Variants in MCCC1 observed in about 807,000 individuals in gnomAD.
MCCC1 encodes methylcrotonyl-CoA carboxylase subunit 1, also known as methylcrotonoyl-CoA carboxylase subunit alpha, mitochondrial.
In MCCC1, 64 loss-of-function variants were observed where a neutral mutation model predicts 83.8. The observed-to-expected ratio is 0.76, with a 90% CI of 0.62 to 0.94. The LOEUF is 0.94. MCCC1 is among the 40% of genes least tolerant of loss of function. The pLI is 0.00. For synonymous variants in MCCC1, 322 were observed against 315.4 expected (o/e 1.02, Z -0.22); for missense variants, 807 against 904.7 (o/e 0.89, Z 1.39).
In MCCC1 at chr3:183,044,497, G is replaced by A. The variant is rs142283341; in HGVS notation, c.1083+916C>T. 9.1e-3 allele frequency among the ~76,000 whole-genome samples: 1,389 copies of A among 152,194 alleles called. 74 individuals are homozygous for A. The highest frequency in any genetic ancestry group is 0.067 in the Admixed American group (1,030 of 15,280). On this transcript the variant is annotated intron_variant, in intron 10 of 18. Coordinates refer to ENST00000265594, the MANE Select transcript of MCCC1 (RefSeq NM_020166.5). ...TGAATGAACATTTACTCATGGGCCC[G>A]CAACAGCCATAAATCCGCACTTTAC...
chr3:183,070,552 G>C (rs1241069117), intron 7 of MCCC1, among the ~76,000 whole-genome samples: 1 of 152,084 alleles, frequency 6.6e-6, no homozygotes, highest in Non-Finnish European at 1.5e-5. Flanking sequence ...GACCAACATG[G>C]GAAAACCCCA....
intron 10 of MCCC1, among the ~76,000 whole-genome samples, chr3:183,042,622 A>C (rs991751413): frequency 6.6e-6 from 1 of 150,756 alleles, no homozygotes; most frequent in African/African-American, 2.4e-5. Context: ...ATCAGGATGC[A>C]CAGCAGTTAA....
chr3:183,038,083 T>C (rs1713773188), intron 12 of MCCC1, among the ~76,000 whole-genome samples: 1 of 152,204 alleles, frequency 6.6e-6, no homozygotes, highest in Non-Finnish European at 1.5e-5. Context: ...AGTGCCAGGC[T>C]CTGATCCAGG....
At chr3:183,086,900 T>C in intron 3 of MCCC1, 112 bp from the exon 4 acceptor site, 1 of 917,592 alleles carries the variant, frequency 1.1e-6, no homozygotes, top group South Asian at 1.4e-5. Flanking sequence ...TGCCACTCCC[T>C]CAAGAACAGT....
chr3:183,048,120 G>T (rs1169760232), intron 9 of MCCC1, among the ~76,000 whole-genome samples: 2 of 152,156 alleles, frequency 1.3e-5, no homozygotes, highest in Non-Finnish European at 2.9e-5. Flanking sequence ...GTGTTATGCA[G>T]CATATGACTG....
intron 14 of MCCC1, among the ~76,000 whole-genome samples, chr3:183,031,674 C>T (rs973224788): frequency 3.3e-5 from 5 of 151,388 alleles, no homozygotes; most frequent in East Asian, 1.9e-4. Context: ...ATTTTTTGTA[C>T]TTTTTAGGAG....
At chr3:183,034,233 G>A (rs1420308093) in intron 13 of MCCC1, among the ~76,000 whole-genome samples, 156 bp from the exon 14 acceptor site, 1 of 152,116 alleles carries the variant, frequency 6.6e-6, no homozygotes, top group African/African-American at 2.4e-5. Context: ...GGCGGATCAT[G>A]AGGTCAGGAG....
At position 183,037,225 on chromosome 3, in the gene MCCC1, C is replaced by T. The variant is rs1713687096; in HGVS notation, c.1587G>A (p.Gln529=). Residue 529 remains glutamine (Q), a synonymous_variant, in exon 13 of 19, where the codon CAG becomes CAA. Coordinates refer to ENST00000265594, the MANE Select transcript of MCCC1 (RefSeq NM_020166.5). ...GAGAAAAGCCTTCCATACCATGTGCCTGAAGAGTGAAAGTGTCGGTCATGG... is the reference window on the plus strand; with the variant it reads ...GAGAAAAGCCTTCCATACCATGTGCTTGAAGAGTGAAAGTGTCGGTCATGG... ...EKAMTDTFTL[Q]AHDQFSPFSS... The T allele has an allele frequency of 1.2e-6, 2 of 1,613,476 alleles. No individual in the cohort carries two copies.
At chr3:183,021,841 A>T (rs1005936064) in intron 16 of MCCC1, among the ~76,000 whole-genome samples, 3 of 152,228 alleles carry the variant, frequency 2.0e-5, no homozygotes, top group African/African-American at 7.2e-5. Context: ...ATGATAATGC[A>T]TTATCCTCTT....
intron 9 of MCCC1, among the ~76,000 whole-genome samples, chr3:183,051,772 C>T (rs1486531417): frequency 3.8e-5 from 5 of 132,994 alleles, no homozygotes; most frequent in South Asian, 2.4e-4. Flanking sequence ...GGGGGGTATC[C>T]GAGTGGGGGA....
chr3:183,057,503 C>T, intron 7 of MCCC1, 81 bp from the exon 8 acceptor site: 1 of 1,088,452 alleles, frequency 9.2e-7, no homozygotes, highest in South Asian at 1.3e-5. Context: ...CTGTTAGGCA[C>T]AATCACCAGG....
At chr3:183,045,594 C>T (rs1403737797) in intron 9 of MCCC1, 54 bp from the exon 10 acceptor site, 3 of 1,591,678 alleles carry the variant, frequency 1.9e-6, no homozygotes, top group Non-Finnish European at 2.6e-6. Context: ...AGTAGCAAAC[C>T]AAAATCTTCC....
chr3:183,102,810 G>C (rs1014007880), upstream of MCCC1, among the ~76,000 whole-genome samples: 1 of 65,286 alleles, frequency 1.5e-5, no homozygotes, highest in East Asian at 4.8e-4. Context: ...TTTTTGAGAC[G>C]AAGTCTCTCT....
chr3:183,084,513 T>G (rs535690479), intron 4 of MCCC1, among the ~76,000 whole-genome samples: 1 of 152,222 alleles, frequency 6.6e-6, no homozygotes, highest in South Asian at 2.1e-4. Flanking sequence ...AAAAGCTTCA[T>G]AAACAAGCAT....
chr3:183,044,100 C>A (rs1039312569), intron 10 of MCCC1, among the ~76,000 whole-genome samples: 1 of 152,150 alleles, frequency 6.6e-6, no homozygotes, highest in Non-Finnish European at 1.5e-5. Context: ...TTATTATCTA[C>A]AGAAGTTCTG....
At chr3:183,090,319 T>A (rs972669543) in intron 3 of MCCC1, among the ~76,000 whole-genome samples, 1 of 152,224 alleles carries the variant, frequency 6.6e-6, no homozygotes, top group Non-Finnish European at 1.5e-5. Flanking sequence ...AGTATCAGTC[T>A]AGTAGAGAGT....
At chr3:183,100,921 G>T (rs1342642461), upstream of MCCC1, among the ~76,000 whole-genome samples, 1 of 152,258 alleles carries the variant, frequency 6.6e-6, no homozygotes, top group Admixed American at 6.5e-5. Flanking sequence ...GGGAACTGGG[G>T]CTGTGTGCGG....
intron 7 of MCCC1, among the ~76,000 whole-genome samples, chr3:183,060,256 T>C (rs1212756797): frequency 6.6e-6 from 1 of 152,208 alleles, no homozygotes; most frequent in Non-Finnish European, 1.5e-5. Flanking sequence ...TGTTCACAAA[T>C]TTGTATTTAT....
At chr3:183,066,195 GA>G (rs1371145325) in intron 7 of MCCC1, among the ~76,000 whole-genome samples, 1 of 152,184 alleles carries the variant, frequency 6.6e-6, no homozygotes, top group African/African-American at 2.4e-5. Flanking sequence ...GTATGCAACA[GA>G]GGTAACCAAA....
Sources: gnomAD v4.1 joint callset for allele counts (sites outside exome capture counted in the v4.1 genomes callset) on GRCh38, gnomAD v4.1.1 for gene constraint, MANE v1.5 for transcripts, NCBI Gene and HGNC (gene_info 2026-07-23, HGNC 2026-07-21) for gene names.